The following DEPTOR variants were observed in gnomAD, a reference collection of about 807,000 sequenced individuals.
The protein encoded by DEPTOR is DEP domain-containing mTOR-interacting protein.
In DEPTOR, 41 loss-of-function variants were observed where a neutral mutation model predicts 41.6. The ratio of observed to expected loss-of-function variants is 0.98; its 90% confidence interval spans 0.77 to 1.28. The LOEUF (loss-of-function observed/expected upper bound fraction) is 1.28. DEPTOR is among the 50% of genes most tolerant of loss of function. The pLI is 0.00. For synonymous variants in DEPTOR, 195 were observed against 192.3 expected (o/e 1.01, Z -0.12); for missense variants, 514 against 527.9 (o/e 0.97, Z 0.26).
rs1219671317 is a variant in DEPTOR, at chr8:120,009,095, G to A, written c.1063G>A (p.Val355Ile). 6.2e-7 allele frequency: 1 copy of A among 1,613,958 alleles called. No homozygotes were observed. Among genetic ancestry groups the A allele is most frequent in the African/African-American group, 1.3e-5 (1 of 74,918 alleles). The change falls in exon 8 of 9, where the codon GTA becomes ATA. Residue 355 changes from valine to isoleucine, a missense_variant. Physicochemically the swap from Val to Ile is conservative, Grantham distance 29. Coordinates refer to ENST00000286234, the MANE Select transcript of DEPTOR (RefSeq NM_022783.4). ...RGSKPCHIQA[V>I]DPSGPAAAAG... Reference sequence around the variant, plus strand: ...AAGTAAGCCATGCCACATCCAGGCTGTAGACCCCAGTGGCCCTGCAGCCGC... The same window carrying A: ...AAGTAAGCCATGCCACATCCAGGCTATAGACCCCAGTGGCCCTGCAGCCGC...
rs779792291 is a variant in DEPTOR at position 119,873,897 on chromosome 8, C to T, written c.51C>T (p.Ser17=). Residue 17 remains serine, a synonymous_variant, in exon 1 of 9, where the codon AGC becomes AGT. Transcript: ENST00000286234. ...GTGCTGGCAGTGACAGCAGCACCAGCGGGAGTGGCGGGGCGCAGCAAAGGG... is the reference window on the plus strand; with the variant it reads ...GTGCTGGCAGTGACAGCAGCACCAGTGGGAGTGGCGGGGCGCAGCAAAGGG... ...TGSAGSDSST[S]GSGGAQQREL... is the part of the protein sequence containing the mutation. The T allele has an allele frequency of 6.2e-7, 1 of 1,613,674 alleles. No homozygotes were observed. The highest frequency in any genetic ancestry group is 8.5e-7 in the Non-Finnish European group (1 of 1,179,858).
rs1813211499 is a variant in DEPTOR, at chr8:120,049,961, T to C, written c.*257T>C. The stretch of plus-strand genomic sequence containing the variant: ...TGATAGAACTGCCTTACTAGATTTC[T>C]ATTTGTAGCTCTCATTCATTGTTTT... On this transcript the variant is annotated 3_prime_UTR_variant, in exon 9 of 9. Transcript: ENST00000286234. 3.4e-5 allele frequency: 10 copies of C among 292,214 alleles called. No individual in the cohort carries two copies. The highest frequency in any genetic ancestry group is 6.3e-5 in the Non-Finnish European group (10 of 158,396). The allele number at this position is 292,214 out of a possible 1,614,324, so 18.1% of individuals were successfully genotyped here.
At chr8:119,880,649 TGTGA>T (rs1196699191) in intron 1 of DEPTOR, among the ~76,000 whole-genome samples, 1 of 152,242 alleles carries the variant, frequency 6.6e-6, no homozygotes, top group East Asian at 1.9e-4. Context: ...GATTTATTCC[TGTGA>T]GTATTTATAT....
chr8:119,990,596 A>G (rs1048849737), intron 4 of DEPTOR, among the ~76,000 whole-genome samples: 6 of 152,350 alleles, frequency 3.9e-5, no homozygotes, highest in Middle Eastern at 3.4e-3. Context: ...TTGGTTTTCT[A>G]TCTTTACTAA....
At chr8:119,892,272 TAC>T (rs1308470679) in intron 1 of DEPTOR, among the ~76,000 whole-genome samples, 3 of 152,228 alleles carry the variant, frequency 2.0e-5, no homozygotes, top group Non-Finnish European at 4.4e-5. Context: ...GTGCTGGGAT[TAC>T]AGGCATGAGC....
At chr8:119,897,169 A>G (rs1827530706) in intron 1 of DEPTOR, among the ~76,000 whole-genome samples, 1 of 152,190 alleles carries the variant, frequency 6.6e-6, no homozygotes, top group African/African-American at 2.4e-5. Flanking sequence ...AGAAAAATGC[A>G]TATCCCCAGA....
At chr8:119,918,517 A>G (rs1827844972) in intron 1 of DEPTOR, among the ~76,000 whole-genome samples, 1 of 151,948 alleles carries the variant, frequency 6.6e-6, no homozygotes, top group African/African-American at 2.4e-5. Flanking sequence ...CTGGAGTGCA[A>G]TGGCACAATC....
chr8:120,035,022 ACT>A (rs10554390), intron 8 of DEPTOR, among the ~76,000 whole-genome samples: 66,499 of 151,454 alleles, frequency 0.44, 15,461 homozygotes, highest in African/African-American at 0.59. Context: ...ATGTGTTAAG[ACT>A]CTGTGTCTCT....
chr8:119,918,337 A>AACTTG (rs1465786006), intron 1 of DEPTOR, among the ~76,000 whole-genome samples: 1 of 152,194 alleles, frequency 6.6e-6, no homozygotes, highest in South Asian at 2.1e-4. Context: ...GCTTTGTATT[A>AACTTG]ACTTGACGTG....
intron 4 of DEPTOR, among the ~76,000 whole-genome samples, chr8:119,984,045 G>T (rs1292646933): frequency 6.6e-6 from 1 of 152,052 alleles, no homozygotes; most frequent in Non-Finnish European, 1.5e-5. Context: ...TTCACATCCT[G>T]GGGTTCCTGG....
chr8:119,915,257 G>C (rs28570063), intron 1 of DEPTOR, among the ~76,000 whole-genome samples: 1 of 152,088 alleles, frequency 6.6e-6, no homozygotes, highest in African/African-American at 2.4e-5. Flanking sequence ...GAGCCACCAC[G>C]CCCAGCCTAT....
intron 8 of DEPTOR, among the ~76,000 whole-genome samples, chr8:120,037,952 G>A (rs1813002402): frequency 6.6e-6 from 1 of 152,116 alleles, no homozygotes; most frequent in African/African-American, 2.4e-5. Context: ...CATGATGGAA[G>A]GAAAAGTCAA....
chr8:119,889,587 AGAAGGGGTGG>A lies in DEPTOR; in HGVS notation c.122+15621_122+15630del, dbSNP rs1436506591. Among the ~76,000 whole-genome samples the A allele has an allele frequency of 5.2e-4, 29 of 56,146 alleles. No individual in the cohort carries two copies. The East Asian group carries it at 8.4e-3, about 16-fold the overall frequency. 36.8% of individuals were successfully genotyped at this position (56,146 alleles called of 152,430 possible). The stretch of plus-strand genomic sequence containing the variant: ...GAGAGGAGAGGAGACGGGAGGGGAG[AGAAGGGGTGG>A]GGAGGTGGGGAGGGGACGGGAGGGG... On this transcript the variant is annotated intron_variant, in intron 1 of 8. Transcript: ENST00000286234.
rs1171655489 is a variant in DEPTOR, at chr8:120,030,497, G to GTTTTTTTTTTT, written c.1102-19061_1102-19051dup. ...AATGATGTATTGTGTAGGTTCATCA[G>GTTTTTTTTTTT]TTTTTTTTTTTTTTTTTTTTTTTTT... On this transcript the variant is annotated intron_variant, in intron 8 of 8. Transcript: ENST00000286234. Among the ~76,000 whole-genome samples, 48 of 46,216 alleles carry GTTTTTTTTTTT rather than the reference G, an allele frequency of 1.0e-3. 10 individuals are homozygous for GTTTTTTTTTTT. The highest frequency in any genetic ancestry group is 2.4e-3 in the South Asian group (2 of 824). The allele number at this position is 46,216 out of a possible 152,430, so 30.3% of individuals were successfully genotyped here.
rs117059284 is a variant in DEPTOR at position 119,933,848 on chromosome 8, C to A, written c.425+3910C>A. ...GGTTTCTGACTGAGGTTTTGCTGAA[C>A]CATGTTGATTTTTGGGAACCCTGGC... On this transcript the variant is annotated intron_variant, in intron 3 of 8. Transcript: ENST00000286234. 8.3e-4 allele frequency among the ~76,000 whole-genome samples: 126 copies of A among 151,964 alleles called. 1 individual carries two copies. The East Asian group carries it at 0.023, about 28-fold the overall frequency.
At chr8:120,049,468 A>G in intron 8 of DEPTOR, 108 bp from the exon 9 acceptor site, 2 of 1,320,494 alleles carry the variant, frequency 1.5e-6, no homozygotes, top group Non-Finnish European at 2.0e-6. Context: ...ATACATTTGG[A>G]TATTTTAAGA....
intron 8 of DEPTOR, among the ~76,000 whole-genome samples, chr8:120,034,564 C>T (rs1301442139): frequency 1.3e-5 from 2 of 150,596 alleles, no homozygotes; most frequent in Non-Finnish European, 2.9e-5. Flanking sequence ...TCTCCTTCCT[C>T]AGCCTCCCAA....
chr8:120,039,300 A>G (rs1312869942), intron 8 of DEPTOR, among the ~76,000 whole-genome samples: 1 of 152,174 alleles, frequency 6.6e-6, no homozygotes, highest in Non-Finnish European at 1.5e-5. Context: ...GAAATGGGAG[A>G]AGTAACTATT....
intron 7 of DEPTOR, among the ~76,000 whole-genome samples, chr8:120,008,772 T>C (rs1812487798): frequency 6.6e-6 from 1 of 152,180 alleles, no homozygotes; most frequent in Non-Finnish European, 1.5e-5. Context: ...AATCTTCCAG[T>C]TGTTTATTGA....
Sources: allele counts gnomAD v4.1 joint callset (sites outside exome capture counted in the v4.1 genomes callset), GRCh38; gene constraint gnomAD v4.1.1; transcripts MANE v1.5; gene names NCBI Gene and HGNC (gene_info 2026-07-23, HGNC 2026-07-21).